ANO3: variants seen among roughly 807,000 people sequenced by gnomAD.
The protein encoded by ANO3 is anoctamin-3.
In ANO3, 99 loss-of-function variants were observed where a neutral mutation model predicts 144.8. That is an observed-to-expected ratio of 0.68 (90% CI 0.58 to 0.81). The LOEUF (loss-of-function observed/expected upper bound fraction) is 0.81. ANO3 is among the 30% of genes least tolerant of loss of function. The pLI, the probability that ANO3 is intolerant of heterozygous loss-of-function variation, is 0.00. For synonymous variants in ANO3, 414 were observed against 392.6 expected (o/e 1.05, Z -0.64); for missense variants, 905 against 1,202.2 (o/e 0.75, Z 3.66).
At chr11:26,322,554 T>TA (rs1271796163) in intron 1 of ANO3, among the ~76,000 whole-genome samples, 1 of 152,108 alleles carries the variant, frequency 6.6e-6, no homozygotes, top group Non-Finnish European at 1.5e-5. Context: ...TTTTAAGGAT[T>TA]ATTGGTCAGG....
At chr11:26,340,188 G>A (rs1480736831) in intron 1 of ANO3, among the ~76,000 whole-genome samples, 1 of 152,176 alleles carries the variant, frequency 6.6e-6, no homozygotes, top group East Asian at 1.9e-4. Flanking sequence ...TGTGTATTTT[G>A]TTGGTGCACA....
intron 26 of ANO3, among the ~76,000 whole-genome samples, chr11:26,658,216 G>T (rs1853757933): frequency 6.6e-6 from 1 of 152,206 alleles, no homozygotes; most frequent in East Asian, 1.9e-4. Flanking sequence ...ATCTTTTATT[G>T]TATTAAATAT....
At position 26,332,136 on chromosome 11, in the gene ANO3, C is replaced by T. The variant is rs980433591; in HGVS notation, c.-140C>T. 4.6e-6 allele frequency: 7 copies of T among 1,522,194 alleles called. No individual in the cohort carries two copies. The highest frequency in any genetic ancestry group is 2.0e-5 in the Admixed American group (1 of 49,494). The allele number at this position is 1,522,194 out of a possible 1,614,324, so 94.3% of individuals were successfully genotyped here. A position where few individuals can be genotyped will look rare whatever the true frequency, so the allele number is the denominator to read the frequency against. Reference sequence around the variant, plus strand: ...ACCGGCGGGCGCGTAGCCTGGAGAGCGAAGTGCCGGCTACAGCAGGTGTCG... The same window carrying T: ...ACCGGCGGGCGCGTAGCCTGGAGAGTGAAGTGCCGGCTACAGCAGGTGTCG... On this transcript the variant is annotated 5_prime_UTR_variant, in exon 1 of 27. Transcript: ENST00000256737.
intron 1 of ANO3, among the ~76,000 whole-genome samples, chr11:26,434,062 A>ATT (rs1858209295): frequency 6.6e-6 from 1 of 151,892 alleles, no homozygotes; most frequent in Admixed American, 6.6e-5. Flanking sequence ...TATTGATTCA[A>ATT]TTTTGTAGTA....
chr11:26,642,740 G>A (rs1048402500), intron 22 of ANO3, among the ~76,000 whole-genome samples: 1 of 152,104 alleles, frequency 6.6e-6, no homozygotes, highest in Non-Finnish European at 1.5e-5. Flanking sequence ...CACAGACTCC[G>A]TCTGAATCTT....
At chr11:26,521,538 T>G (rs533424146) in intron 6 of ANO3, among the ~76,000 whole-genome samples, 4 of 152,314 alleles carry the variant, frequency 2.6e-5, no homozygotes, top group Admixed American at 2.6e-4. Context: ...GACTTTTCTT[T>G]AAAGTAAATA....
chr11:26,633,414 G>GCT (rs1852849600), intron 18 of ANO3, among the ~76,000 whole-genome samples: 1 of 152,182 alleles, frequency 6.6e-6, no homozygotes, highest in Non-Finnish European at 1.5e-5. Context: ...GCTGAGATAA[G>GCT]AGCTCAGCTC....
intron 1 of ANO3, among the ~76,000 whole-genome samples, chr11:26,392,237 G>C (rs1278255516): frequency 8.8e-6 from 1 of 114,102 alleles, no homozygotes; most frequent in Non-Finnish European, 1.7e-5. Context: ...GTGAATTCCT[G>C]CCTTTTTTTT....
At chr11:26,454,064 C>T (rs1859052100) in intron 3 of ANO3, among the ~76,000 whole-genome samples, 1 of 151,992 alleles carries the variant, frequency 6.6e-6, no homozygotes, top group Admixed American at 6.5e-5. Context: ...ATCTCTGGGA[C>T]ACATTCAAAG....
chr11:26,321,958 T>C (rs1013969535), intron 1 of ANO3, among the ~76,000 whole-genome samples: 1 of 152,060 alleles, frequency 6.6e-6, no homozygotes, highest in African/African-American at 2.4e-5. Flanking sequence ...AGCATTTTCA[T>C]TACTCCAACA....
At chr11:26,300,017 G>C (rs1285941326) in intron 1 of ANO3, among the ~76,000 whole-genome samples, 2 of 152,176 alleles carry the variant, frequency 1.3e-5, no homozygotes, top group African/African-American at 4.8e-5. Flanking sequence ...TCTTCTAGGA[G>C]AGTGGGAGAA....
At chr11:26,480,297 C>A (rs1860159188) in intron 4 of ANO3, among the ~76,000 whole-genome samples, 1 of 152,142 alleles carries the variant, frequency 6.6e-6, no homozygotes. Context: ...AAATTAAAAG[C>A]AGATCACCAG....
At chr11:26,494,265 A>G (rs1038711055) in intron 4 of ANO3, among the ~76,000 whole-genome samples, 2 of 151,882 alleles carry the variant, frequency 1.3e-5, no homozygotes, top group Admixed American at 6.6e-5. Flanking sequence ...TTGAGAAAGA[A>G]TGCCATGCTG....
chr11:26,659,518 A>G (rs1853812203), intron 26 of ANO3, among the ~76,000 whole-genome samples: 1 of 151,988 alleles, frequency 6.6e-6, no homozygotes, highest in Admixed American at 6.6e-5. Context: ...ATGTGGTGAG[A>G]CCTCATATCT....
At chr11:26,277,291 TAGAAG>T (rs1336006402) in intron 1 of ANO3, among the ~76,000 whole-genome samples, 5 of 152,066 alleles carry the variant, frequency 3.3e-5, no homozygotes, top group African/African-American at 9.7e-5. Context: ...ATTATATAAA[TAGAAG>T]AGAAAACAAT....
chr11:26,507,943 G>A (rs1861502229), intron 4 of ANO3, among the ~76,000 whole-genome samples, 161 bp from the exon 5 acceptor site: 2 of 152,100 alleles, frequency 1.3e-5, no homozygotes, highest in Admixed American at 6.6e-5. Context: ...TCCTATAGTA[G>A]ATTGTAAACA....
At chr11:26,398,169 A>C (rs750171217) in intron 1 of ANO3, among the ~76,000 whole-genome samples, 2 of 152,132 alleles carry the variant, frequency 1.3e-5, no homozygotes, top group East Asian at 3.9e-4. Flanking sequence ...TTTATAATCC[A>C]TCAAAGGAGA....
chr11:26,214,428 A>G (rs112089403), intron 1 of ANO3, among the ~76,000 whole-genome samples: 2 of 152,008 alleles, frequency 1.3e-5, no homozygotes, highest in African/African-American at 4.8e-5. Context: ...AATTGTCCAC[A>G]TTTTAACAAC....
At chr11:26,544,475 A>T (rs936254812) in intron 11 of ANO3, among the ~76,000 whole-genome samples, 2 of 151,006 alleles carry the variant, frequency 1.3e-5, no homozygotes, top group African/African-American at 4.9e-5. Context: ...TGGTCAAAGG[A>T]TACAAAAATT....
Sources: gnomAD v4.1 joint callset for allele counts (sites outside exome capture counted in the v4.1 genomes callset) on GRCh38, gnomAD v4.1.1 for gene constraint, MANE v1.5 for transcripts, NCBI Gene and HGNC (gene_info 2026-07-23, HGNC 2026-07-21) for gene names.